SLC18A1: variants seen among roughly 807,000 people sequenced by gnomAD.
SLC18A1 encodes the protein solute carrier family 18 member A1, also known as chromaffin granule amine transporter.
SLC18A1 carries 69 observed loss-of-function variants against 53.7 expected under a neutral mutation model. That is an observed-to-expected ratio of 1.28 (90% CI 1.06 to 1.57). The LOEUF (loss-of-function observed/expected upper bound fraction) is 1.57, where lower values mean the gene tolerates loss of function less well. Ranked by LOEUF, SLC18A1 falls within the 40% of genes most tolerant of loss-of-function variation. SLC18A1 has a pLI of 0.00. For synonymous variants in SLC18A1, 320 were observed against 248.1 expected (o/e 1.29, Z -2.72); for missense variants, 932 against 668.1 (o/e 1.40, Z -4.35).
chr8:20,168,741 T>G (rs1231174245), intron 8 of SLC18A1, among the ~76,000 whole-genome samples: 1 of 152,152 alleles, frequency 6.6e-6, no homozygotes, highest in Non-Finnish European at 1.5e-5. Context: ...CTAATTTTTT[T>G]GTACTTTTAG....
intron 8 of SLC18A1, among the ~76,000 whole-genome samples, chr8:20,166,223 T>C (rs1345533505): frequency 6.9e-6 from 1 of 145,920 alleles, no homozygotes; most frequent in East Asian, 2.0e-4. Flanking sequence ...ACATAGGAGA[T>C]GGAATAAAAT....
rs2071422000 is a variant in SLC18A1 at position 20,147,196 on chromosome 8, A to G, written c.1464+62T>C. The G allele has an allele frequency of 3.3e-6, 5 of 1,535,244 alleles. No homozygotes were observed. In the Admixed American group the frequency reaches 1.0e-4, roughly 31 times the overall value. On this transcript the variant is annotated intron_variant, in intron 15 of 15. Coordinates refer to ENST00000276373, the MANE Select transcript of SLC18A1 (RefSeq NM_003053.4). ...AAATAACAGCCCAGGATGAAAGGGA[A>G]TGAGAGAGATGATGGAAAGAAACAG...
At chr8:20,174,801 C>G (rs1330202526) in intron 4 of SLC18A1, among the ~76,000 whole-genome samples, 1 of 152,150 alleles carries the variant, frequency 6.6e-6, no homozygotes, top group Non-Finnish European at 1.5e-5. Context: ...AGATCATACT[C>G]CTGGATCGTC....
intron 2 of SLC18A1, 77 bp from the exon 3 acceptor site, chr8:20,179,561 C>T: frequency 6.6e-7 from 1 of 1,509,688 alleles, no homozygotes; most frequent in South Asian, 1.3e-5. Context: ...GGGCTAAGGA[C>T]AGATGTCAAT....
At chr8:20,165,872 T>C (rs2071945466) in intron 8 of SLC18A1, among the ~76,000 whole-genome samples, 1 of 152,168 alleles carries the variant, frequency 6.6e-6, no homozygotes, top group Non-Finnish European at 1.5e-5. Context: ...CTTCCAGACA[T>C]CCTGAACACT....
At chr8:20,148,399 C>A in intron 12 of SLC18A1, 1 of 1,216,184 alleles carries the variant, frequency 8.2e-7, no homozygotes, top group Non-Finnish European at 1.1e-6. Context: ...TCTCCCCTTC[C>A]TCTACCCCTC....
At chr8:20,162,733 A>G (rs1419174087) in intron 10 of SLC18A1, among the ~76,000 whole-genome samples, 1 of 152,186 alleles carries the variant, frequency 6.6e-6, no homozygotes, top group East Asian at 1.9e-4. Context: ...TTCACTGTCC[A>G]TATTTCTATC....
chr8:20,147,955 A>G, intron 13 of SLC18A1, 52 bp downstream of exon 13: 6 of 1,587,350 alleles, frequency 3.8e-6, no homozygotes, highest in Non-Finnish European at 5.2e-6. Flanking sequence ...AAGGCATCAG[A>G]CCCAAAGCCA....
At chr8:20,181,772 C>G (rs747000824) in intron 1 of SLC18A1, 1 of 151,806 alleles carries the variant, frequency 6.6e-6, no homozygotes. Context: ...ACAAGAAATC[C>G]GAGCCTCTGA....
At chr8:20,155,341 A>C (rs1023741090) in intron 10 of SLC18A1, among the ~76,000 whole-genome samples, 3 of 152,176 alleles carry the variant, frequency 2.0e-5, no homozygotes, top group Non-Finnish European at 2.9e-5. Flanking sequence ...AGCCAGTTAC[A>C]AACGATTAGC....
chr8:20,162,893 T>C (rs998544632), intron 10 of SLC18A1, among the ~76,000 whole-genome samples: 5 of 152,212 alleles, frequency 3.3e-5, no homozygotes, highest in African/African-American at 9.6e-5. Flanking sequence ...TCCAAATTAT[T>C]GCAGCCTCTA....
At chr8:20,176,192 G>A (rs899644960) in intron 4 of SLC18A1, among the ~76,000 whole-genome samples, 1 of 152,080 alleles carries the variant, frequency 6.6e-6, no homozygotes, top group Non-Finnish European at 1.5e-5. Flanking sequence ...TCTTCCTTTG[G>A]TGGTGAGTGA....
intron 2 of SLC18A1, among the ~76,000 whole-genome samples, chr8:20,179,845 A>G (rs973968746): frequency 6.6e-6 from 1 of 152,156 alleles, no homozygotes. Flanking sequence ...TAACCCCCCA[A>G]ACCAACACAC....
intron 4 of SLC18A1, among the ~76,000 whole-genome samples, chr8:20,176,894 C>T (rs537057182): frequency 4.2e-4 from 64 of 152,274 alleles, no homozygotes; most frequent in African/African-American, 8.7e-4. Context: ...CATGCTAAAA[C>T]GTCTCAGATC....
intron 4 of SLC18A1, among the ~76,000 whole-genome samples, chr8:20,177,337 A>T (rs1319911060): frequency 6.6e-6 from 1 of 152,192 alleles, no homozygotes. Context: ...TGTGCTGGGA[A>T]AGAAGAAAAG....
chr8:20,180,108 T>TTGTGTGTGTGTG (rs112531759), intron 2 of SLC18A1, among the ~76,000 whole-genome samples: 1,723 of 146,164 alleles, frequency 0.012, 20 homozygotes, highest in East Asian at 0.023. Context: ...AAGATTATAA[T>TTGTGTGTGTGTG]TGTGTGTGTG....
intron 2 of SLC18A1, 38 bp downstream of exon 2, chr8:20,180,803 A>G (rs759865310): frequency 9.3e-6 from 15 of 1,611,476 alleles, no homozygotes; most frequent in South Asian, 2.2e-5. Flanking sequence ...TGGGGCCCAC[A>G]GCAAATTAAC....
intron 8 of SLC18A1, among the ~76,000 whole-genome samples, 179 bp downstream of exon 8, chr8:20,170,924 A>C (rs2072098166): frequency 6.6e-6 from 1 of 152,218 alleles, no homozygotes; most frequent in African/African-American, 2.4e-5. Context: ...CAAGCCAAAT[A>C]CGTCACTATC....
intron 11 of SLC18A1, among the ~76,000 whole-genome samples, chr8:20,150,258 C>A (rs2071515779): frequency 6.6e-6 from 1 of 152,212 alleles, no homozygotes; most frequent in African/African-American, 2.4e-5. Context: ...TCTTGGCCCC[C>A]AACCCTTCCT....
Sources: gnomAD v4.1 joint callset for allele counts (sites outside exome capture counted in the v4.1 genomes callset) on GRCh38, gnomAD v4.1.1 for gene constraint, MANE v1.5 for transcripts, NCBI Gene and HGNC (gene_info 2026-07-23, HGNC 2026-07-21) for gene names.